The following BPIFC variants were observed in gnomAD, a reference collection of about 807,000 sequenced individuals.
BPIFC encodes the protein BPI fold-containing family C protein.
BPIFC carries 60 observed loss-of-function variants against 57.6 expected under a neutral mutation model. The observed-to-expected ratio is 1.04, with a 90% CI of 0.85 to 1.29. The LOEUF (loss-of-function observed/expected upper bound fraction) is 1.29. Ranked by LOEUF, BPIFC falls within the 50% of genes most tolerant of loss-of-function variation. The pLI is 0.00. For missense variants in BPIFC, 581 were observed against 600.5 expected (o/e 0.97, Z 0.34); for synonymous variants, 243 against 224.5 (o/e 1.08, Z -0.74).
At chr22:32,428,622 G>T (rs1177667455) in intron 13 of BPIFC, among the ~76,000 whole-genome samples, 1 of 152,082 alleles carries the variant, frequency 6.6e-6, no homozygotes, top group East Asian at 1.9e-4. Context: ...TGTATTTCTG[G>T]GCATGGTGGC....
intron 13 of BPIFC, among the ~76,000 whole-genome samples, chr22:32,422,015 A>G (rs373517517): frequency 3.5e-4 from 53 of 152,298 alleles, no homozygotes; most frequent in African/African-American, 1.2e-3. Context: ...CAAAAGCCCC[A>G]CGGAGGGAAC....
intron 15 of BPIFC, among the ~76,000 whole-genome samples, chr22:32,416,693 A>G (rs1206085153): frequency 6.6e-6 from 1 of 152,222 alleles, no homozygotes; most frequent in Admixed American, 6.5e-5. Flanking sequence ...ATTGTCATTC[A>G]TGAAAACTGT....
Position 32,453,411 on chromosome 22 carries a change from C to T in BPIFC, c.217G>A (p.Val73Ile). ...GAAAAATTGTAGTTTACATAATCAA[C>T]TTTTAGAAATTCAAGAGACTCAGAA... Reference protein sequence around the residue: ...SGSESLEFLKVDYVNYNFSNI... With the variant: ...SGSESLEFLKIDYVNYNFSNI... The change falls in exon 4 of 17, where the codon GTT becomes ATT. Residue 73 changes from valine to isoleucine, a missense_variant. Physicochemically the swap from Val to Ile is conservative, Grantham distance 29 (BLOSUM62 3). Transcript: ENST00000300399. The T allele has an allele frequency of 6.3e-7, 1 of 1,592,976 alleles. No homozygotes were observed. Among genetic ancestry groups the T allele is most frequent in the South Asian group, 1.2e-5 (1 of 85,500 alleles).
chr22:32,419,453 G>C (rs1208166746), intron 13 of BPIFC, 49 bp from the exon 14 acceptor site: 4 of 1,530,946 alleles, frequency 2.6e-6, no homozygotes, highest in Non-Finnish European at 3.6e-6. Flanking sequence ...AACAGCCTTA[G>C]TAGAAAGAAA....
chr22:32,419,023 C>T (rs977042956), intron 14 of BPIFC, among the ~76,000 whole-genome samples: 9 of 152,086 alleles, frequency 5.9e-5, no homozygotes, highest in African/African-American at 2.2e-4. Context: ...ATATGTAACT[C>T]TATATGTCTC....
At chr22:32,430,726 A>C (rs987446254) in intron 13 of BPIFC, among the ~76,000 whole-genome samples, 1 of 151,560 alleles carries the variant, frequency 6.6e-6, no homozygotes, top group Non-Finnish European at 1.5e-5. Flanking sequence ...CTGTAATCTC[A>C]AACTCCTGGG....
intron 13 of BPIFC, among the ~76,000 whole-genome samples, chr22:32,425,595 A>G (rs914194463): frequency 2.0e-5 from 3 of 152,146 alleles, no homozygotes; most frequent in African/African-American, 7.2e-5. Context: ...ACAGCTAAGA[A>G]ATAGTCTTTT....
At chr22:32,451,140 G>A (rs1387084244) in intron 4 of BPIFC, among the ~76,000 whole-genome samples, 1 of 152,172 alleles carries the variant, frequency 6.6e-6, no homozygotes, top group Non-Finnish European at 1.5e-5. Flanking sequence ...TATCCACCCT[G>A]TCTAGCAATG....
At chr22:32,415,118 G>T (rs1601437373) in intron 16 of BPIFC, among the ~76,000 whole-genome samples, 1 of 152,252 alleles carries the variant, frequency 6.6e-6, no homozygotes, top group Non-Finnish European at 1.5e-5. Flanking sequence ...ATTCTCATAA[G>T]GAGCGTGCAA....
intron 9 of BPIFC, among the ~76,000 whole-genome samples, chr22:32,436,136 A>T (rs1387103591): frequency 2.6e-5 from 4 of 152,024 alleles, no homozygotes; most frequent in Non-Finnish European, 5.9e-5. Flanking sequence ...TCTATAAAAA[A>T]TACAAAAATT....
intron 12 of BPIFC, 25 bp from the exon 13 acceptor site, chr22:32,431,439 A>ATTTATTTATTTATTTATTTTATTTTT: frequency 7.4e-7 from 1 of 1,343,076 alleles, no homozygotes; most frequent in South Asian, 1.2e-5. Flanking sequence ...AGCATTTATT[A>ATTTATTTATTTATTTATTTTATTTTT]TTAAGACGAG....
intron 4 of BPIFC, among the ~76,000 whole-genome samples, chr22:32,448,595 A>G (rs924950977): frequency 2.0e-5 from 3 of 152,156 alleles, no homozygotes; most frequent in African/African-American, 4.8e-5. Flanking sequence ...ACTAGGAGGC[A>G]GTGAGTTGCA....
intron 8 of BPIFC, among the ~76,000 whole-genome samples, chr22:32,439,956 G>A (rs74279750): frequency 0.031 from 4,652 of 152,230 alleles, 142 homozygotes; most frequent in East Asian, 0.13. Flanking sequence ...GTTACTCTGA[G>A]GGACAGCAAT....
At chr22:32,432,225 C>CATG in intron 12 of BPIFC, 148 bp downstream of exon 12, 1 of 839,442 alleles carries the variant, frequency 1.2e-6, no homozygotes, top group Non-Finnish European at 1.8e-6. Flanking sequence ...GAATTATAGG[C>CATG]ATGAGCCATC....
chr22:32,462,927 A>G (rs1935195834), intron 1 of BPIFC, among the ~76,000 whole-genome samples: 1 of 152,228 alleles, frequency 6.6e-6, no homozygotes, highest in Non-Finnish European at 1.5e-5. Context: ...GAAAAATTCA[A>G]TAAGCATCTA....
chr22:32,428,891 T>C (rs1326597091), intron 13 of BPIFC, among the ~76,000 whole-genome samples: 1 of 149,392 alleles, frequency 6.7e-6, no homozygotes, highest in Non-Finnish European at 1.5e-5. Flanking sequence ...AGAGTAACAC[T>C]CCATCTCAAA....
intron 13 of BPIFC, among the ~76,000 whole-genome samples, chr22:32,421,108 G>A (rs1933835859): frequency 1.3e-5 from 2 of 152,274 alleles, no homozygotes; most frequent in South Asian, 2.1e-4. Context: ...TCCCAGCTTG[G>A]TAAGGCTGAG....
At chr22:32,433,812 C>A (rs761756260) in intron 10 of BPIFC, 40 bp from the exon 11 acceptor site, 2 of 1,545,646 alleles carry the variant, frequency 1.3e-6, no homozygotes, top group African/African-American at 1.4e-5. Context: ...TAGGATTTTA[C>A]GTGGATTGTC....
At chr22:32,453,942 CAA>C (rs34168726) in intron 3 of BPIFC, among the ~76,000 whole-genome samples, 5 of 146,094 alleles carry the variant, frequency 3.4e-5, no homozygotes, top group Admixed American at 1.4e-4. Flanking sequence ...ACAACAACAA[CAA>C]AAAAAAAAAT....
Sources: allele counts gnomAD v4.1 joint callset (sites outside exome capture counted in the v4.1 genomes callset), GRCh38; gene constraint gnomAD v4.1.1; transcripts MANE v1.5; gene names NCBI Gene and HGNC (gene_info 2026-07-23, HGNC 2026-07-21).